The following TBC1D15 variants were observed in gnomAD, a reference collection of about 807,000 sequenced individuals.
TBC1D15 encodes the protein GAP for RAB7.
Under a neutral mutation model 95.4 loss-of-function variants are expected in TBC1D15, and 39 were observed. That is an observed-to-expected ratio of 0.41 (90% confidence interval 0.32 to 0.53). The LOEUF (loss-of-function observed/expected upper bound fraction) is 0.53. Among genes scored for constraint, TBC1D15 ranks in the 20% least tolerant of loss-of-function variants. The pLI is 0.29. For missense variants in TBC1D15, 733 were observed against 794.3 expected, an observed-to-expected ratio of 0.92 and a Z score of 0.93; for synonymous variants, 258 against 261.3, an observed-to-expected ratio of 0.99 and a Z score of 0.12.
At chr12:71,896,608 G>T in intron 8 of TBC1D15, 69 bp from the exon 9 acceptor site, 1 of 1,329,148 alleles carries the variant, frequency 7.5e-7, no homozygotes, top group Non-Finnish European at 1.1e-6. Context: ...CTTTTTATAT[G>T]CAAGTTTTGT....
chr12:71,869,805 T>C (rs933830475), intron 1 of TBC1D15, among the ~76,000 whole-genome samples: 4 of 152,226 alleles, frequency 2.6e-5, no homozygotes, highest in Non-Finnish European at 5.9e-5. Context: ...TTTGATAAAC[T>C]GAAGTCTAGA....
intron 4 of TBC1D15, among the ~76,000 whole-genome samples, chr12:71,880,908 TATA>T (rs1308285078): frequency 1.3e-5 from 2 of 152,240 alleles, no homozygotes; most frequent in African/African-American, 2.4e-5. Flanking sequence ...TTAGTAGAAT[TATA>T]ATAATCATGT....
chr12:71,907,344 A>T, intron 11 of TBC1D15: 1 of 344,106 alleles, frequency 2.9e-6, no homozygotes. Context: ...GCACCATGGG[A>T]TATTTAAAAT....
chr12:71,907,035 C>A lies in TBC1D15; in HGVS notation c.1197C>A (p.Asn399Lys). ...TTTCCTCTTCAGAAAAAGATGTTAA[C>A]AGAACAGATCGAACAAACAAGTTTT... is the stretch of plus-strand genomic sequence containing the variant. ...DYRSLIEKDV[N>K]RTDRTNKFYE... Residue 399 changes from asparagine to lysine, a missense_variant, in exon 11 of 17, where the codon AAC becomes AAA. Transcript: ENST00000485960. The A allele has an allele frequency of 1.9e-6, 3 of 1,602,672 alleles. No homozygotes were observed. The highest frequency in any genetic ancestry group is 1.7e-6 in the Non-Finnish European group (2 of 1,175,798).
chr12:71,875,719 C>G (rs895561618), intron 3 of TBC1D15, among the ~76,000 whole-genome samples: 45 of 152,076 alleles, frequency 3.0e-4, no homozygotes, highest in African/African-American at 1.0e-3. Context: ...GGTTGTACTT[C>G]TAATTCTGTT....
At chr12:71,861,932 T>A (rs1890472122) in intron 1 of TBC1D15, among the ~76,000 whole-genome samples, 1 of 152,176 alleles carries the variant, frequency 6.6e-6, no homozygotes, top group African/African-American at 2.4e-5. Flanking sequence ...CTTAATTTCT[T>A]CTTTGGCCCA....
rs765535456 is a variant in TBC1D15, at chr12:71,880,505, A to C, written c.241A>C (p.Lys81Gln). The change falls in exon 4 of 17, where the codon AAA becomes CAA. Residue 81 changes from lysine (K) to glutamine (Q), a missense_variant. Lys to Gln is a moderately conservative substitution (Grantham distance 53). Coordinates refer to ENST00000485960, the MANE Select transcript of TBC1D15 (RefSeq NM_001146213.3). ...AGTTGTAGAATGGACTCAGGCCCCA[A>C]AAGAAAGAGGTCATCGAGGATCAGA... is the stretch of plus-strand genomic sequence containing the variant. ...SSVVEWTQAP[K>Q]ERGHRGSEHL... 3 of 1,610,592 alleles carry C rather than the reference A, an allele frequency of 1.9e-6. No homozygotes were observed. Among genetic ancestry groups the C allele is most frequent in the Non-Finnish European group, 2.5e-6 (3 of 1,177,848 alleles).
chr12:71,858,488 C>CTT (rs57589434), intron 1 of TBC1D15, among the ~76,000 whole-genome samples: 14,705 of 130,580 alleles, frequency 0.11, 939 homozygotes, highest in African/African-American at 0.17. Flanking sequence ...TGCTGATTTT[C>CTT]TTTTTTTTTT....
intron 1 of TBC1D15, among the ~76,000 whole-genome samples, chr12:71,840,864 T>G (rs992933771): frequency 6.6e-6 from 1 of 152,244 alleles, no homozygotes; most frequent in African/African-American, 2.4e-5. Flanking sequence ...AAGTATGACC[T>G]TGGAAAATTG....
At chr12:71,875,185 C>T (rs1274362178) in intron 3 of TBC1D15, among the ~76,000 whole-genome samples, 2 of 152,098 alleles carry the variant, frequency 1.3e-5, no homozygotes, top group Non-Finnish European at 2.9e-5. Flanking sequence ...GCAGTCTGCC[C>T]GCCTTGGCCT....
At chr12:71,905,020 G>T (rs1215752119) in intron 10 of TBC1D15, among the ~76,000 whole-genome samples, 1 of 151,980 alleles carries the variant, frequency 6.6e-6, no homozygotes, top group Non-Finnish European at 1.5e-5. Flanking sequence ...TTTAATAAGA[G>T]GTTTTTGTTT....
chr12:71,862,847 A>G (rs1890673806), intron 1 of TBC1D15, among the ~76,000 whole-genome samples: 1 of 152,114 alleles, frequency 6.6e-6, no homozygotes. Flanking sequence ...TTTTCATGAT[A>G]GTAATTTTCA....
At chr12:71,920,142 C>T (rs951838552) in intron 14 of TBC1D15, among the ~76,000 whole-genome samples, 3 of 152,038 alleles carry the variant, frequency 2.0e-5, no homozygotes, top group African/African-American at 7.2e-5. Flanking sequence ...AGGATATTAT[C>T]TGTATTTAGG....
rs767837454 is a variant in TBC1D15 at position 71,889,719 on chromosome 12, A to G, written c.555-3503A>G. The stretch of plus-strand genomic sequence containing the variant: ...ACTGCATGTCACGGGGTTTTGGTGT[A>G]CAAATAATTCTGTCACACAGGTAGT... On this transcript the variant is annotated intron_variant, in intron 5 of 16. Transcript: ENST00000485960. Among the ~76,000 whole-genome samples the G allele has an allele frequency of 3.3e-5, 5 of 152,300 alleles. 1 individual carries two copies. Among genetic ancestry groups the G allele is most frequent in the Middle Eastern group, 6.8e-3 (2 of 294 alleles).
chr12:71,879,954 C>G (rs531783546), intron 3 of TBC1D15, among the ~76,000 whole-genome samples: 1 of 152,050 alleles, frequency 6.6e-6, no homozygotes, highest in African/African-American at 2.4e-5. Context: ...GTTTTATTAT[C>G]TTTAAAGATG....
chr12:71,899,702 C>T (rs774572605), intron 10 of TBC1D15, among the ~76,000 whole-genome samples: 1 of 152,044 alleles, frequency 6.6e-6, no homozygotes, highest in Non-Finnish European at 1.5e-5. Context: ...ATCATTTTTA[C>T]TGCTTTGTGG....
At chr12:71,890,936 T>C (rs1897101960) in intron 5 of TBC1D15, among the ~76,000 whole-genome samples, 1 of 152,202 alleles carries the variant, frequency 6.6e-6, no homozygotes, top group African/African-American at 2.4e-5. Context: ...CATTAAGTTA[T>C]TTTGTATATT....
chr12:71,890,629 G>C (rs1897049269), intron 5 of TBC1D15, among the ~76,000 whole-genome samples: 1 of 152,100 alleles, frequency 6.6e-6, no homozygotes, highest in African/African-American at 2.4e-5. Flanking sequence ...AACCTAGATG[G>C]CTCACAAGCG....
rs1901707989 is a variant in TBC1D15, at chr12:71,909,719, T to A, written c.1300+2581T>A. Among the ~76,000 whole-genome samples the A allele has an allele frequency of 2.0e-5, 3 of 152,140 alleles. 1 individual carries two copies. Among genetic ancestry groups the A allele is most frequent in the Admixed American group, 2.0e-4 (3 of 15,258 alleles). ...AAGTGTACAGTAGGATGATAAGGTG[T>A]TCATTTCTCGCCTGCCCCCCACTGC... On this transcript the variant is annotated intron_variant, in intron 11 of 16. Coordinates refer to ENST00000485960, the MANE Select transcript of TBC1D15 (RefSeq NM_001146213.3).
Sources: gnomAD v4.1 joint callset for allele counts (sites outside exome capture counted in the v4.1 genomes callset) on GRCh38, gnomAD v4.1.1 for gene constraint, MANE v1.5 for transcripts, NCBI Gene and HGNC (gene_info 2026-07-23, HGNC 2026-07-21) for gene names.